MAGI1: variants seen among roughly 807,000 people sequenced by gnomAD.
MAGI1 encodes the protein membrane-associated guanylate kinase, WW and PDZ domain-containing protein 1.
In MAGI1, 58 loss-of-function variants were observed where a neutral mutation model predicts 139.9. The ratio of observed to expected loss-of-function variants is 0.41; its 90% CI spans 0.34 to 0.52. The LOEUF (loss-of-function observed/expected upper bound fraction) is 0.52, where lower values mean the gene tolerates loss of function less well. Among genes scored for constraint, MAGI1 ranks in the 20% least tolerant of loss-of-function variants. The pLI, the probability that MAGI1 is intolerant of heterozygous loss-of-function variation, is 0.12. For synonymous variants in MAGI1, 812 were observed against 737.9 expected, an observed-to-expected ratio of 1.10 and a Z score of -1.63; for missense variants, 1,874 against 1,901.6, an observed-to-expected ratio of 0.99 and a Z score of 0.27.
At chr3:65,829,004 A>G (rs2042379572) in intron 1 of MAGI1, among the ~76,000 whole-genome samples, 1 of 152,162 alleles carries the variant, frequency 6.6e-6, no homozygotes. Context: ...AACCACAATG[A>G]GCTGATTTTG....
intron 16 of MAGI1, among the ~76,000 whole-genome samples, chr3:65,381,471 C>CT (rs1270671010): frequency 2.0e-5 from 3 of 151,846 alleles, no homozygotes; most frequent in Non-Finnish European, 2.9e-5. Flanking sequence ...AAATCAGTAA[C>CT]TTTTTTATGA....
chr3:65,852,662 C>T lies in MAGI1; in HGVS notation c.313+185334G>A, dbSNP rs11922770. ...GGGATTGCAGCCATGCACCACCACG[C>T]CTGGCTAATTTTGTATTTTTAGTAG... On this transcript the variant is annotated intron_variant, in intron 1 of 22. Transcript: ENST00000402939. Among the ~76,000 whole-genome samples, 1,402 of 152,018 alleles carry T rather than the reference C, an allele frequency of 9.2e-3. 20 individuals carry two copies. The highest frequency in any genetic ancestry group is 0.032 in the African/African-American group (1,348 of 41,522).
chr3:66,033,730 C>G (rs533947481), intron 1 of MAGI1, among the ~76,000 whole-genome samples: 1 of 152,290 alleles, frequency 6.6e-6, no homozygotes, highest in South Asian at 2.1e-4. Context: ...TATCTCCACA[C>G]TGCCACACAT....
chr3:65,708,050 A>G (rs1250870174), intron 1 of MAGI1, among the ~76,000 whole-genome samples: 1 of 152,210 alleles, frequency 6.6e-6, no homozygotes, highest in Admixed American at 6.5e-5. Context: ...ACATAGTTCT[A>G]CATATGTCCT....
intron 2 of MAGI1, among the ~76,000 whole-genome samples, chr3:65,615,698 G>A (rs2083332359): frequency 6.6e-6 from 1 of 152,152 alleles, no homozygotes; most frequent in African/African-American, 2.4e-5. Flanking sequence ...GGATAAAAAT[G>A]TGTTTACACT....
At chr3:65,716,469 G>C (rs975993294) in intron 1 of MAGI1, among the ~76,000 whole-genome samples, 1 of 152,210 alleles carries the variant, frequency 6.6e-6, no homozygotes, top group South Asian at 2.1e-4. Flanking sequence ...GGGAAGGGAA[G>C]AGCAGCAATT....
intron 1 of MAGI1, among the ~76,000 whole-genome samples, chr3:65,833,457 T>G (rs1181763470): frequency 6.6e-6 from 1 of 152,038 alleles, no homozygotes; most frequent in East Asian, 1.9e-4. Flanking sequence ...CAATACAATC[T>G]CTCCGGCTTC....
At chr3:65,877,494 T>C (rs1284881983) in intron 1 of MAGI1, among the ~76,000 whole-genome samples, 1 of 152,122 alleles carries the variant, frequency 6.6e-6, no homozygotes, top group East Asian at 1.9e-4. Context: ...TCCCCAGAGA[T>C]GACCTCAATT....
chr3:65,526,671 C>G (rs1294250540), intron 2 of MAGI1, among the ~76,000 whole-genome samples: 1 of 152,166 alleles, frequency 6.6e-6, no homozygotes, highest in Admixed American at 6.5e-5. Context: ...ATTTAACCCA[C>G]CTTCTCATCA....
intron 1 of MAGI1, among the ~76,000 whole-genome samples, chr3:65,710,719 G>A (rs563912825): frequency 3.1e-4 from 47 of 152,294 alleles, no homozygotes; most frequent in Non-Finnish European, 6.2e-4. Flanking sequence ...CTGATTTTCA[G>A]AGACTAATTT....
intron 1 of MAGI1, among the ~76,000 whole-genome samples, chr3:65,696,320 T>C (rs1370060861): frequency 3.3e-5 from 5 of 152,124 alleles, no homozygotes; most frequent in Non-Finnish European, 5.9e-5. Context: ...ACCTACCACT[T>C]GAGATACATT....
At chr3:65,622,588 G>T (rs547409792) in intron 1 of MAGI1, among the ~76,000 whole-genome samples, 28 of 151,912 alleles carry the variant, frequency 1.8e-4, no homozygotes, top group South Asian at 1.0e-3. Context: ...TTTTGAAACG[G>T]AGTCTTATTC....
intron 1 of MAGI1, among the ~76,000 whole-genome samples, chr3:65,803,066 C>T (rs2040618696): frequency 6.6e-6 from 1 of 152,092 alleles, no homozygotes; most frequent in Non-Finnish European, 1.5e-5. Context: ...TAATAACATC[C>T]TTGCCCATTT....
intron 1 of MAGI1, among the ~76,000 whole-genome samples, chr3:65,810,575 G>A (rs906570000): frequency 2.6e-5 from 4 of 152,212 alleles, no homozygotes; most frequent in Admixed American, 2.6e-4. Context: ...TGAACTGATG[G>A]GTGTTTTCCT....
chr3:65,373,206 G>T (rs777338166), intron 18 of MAGI1, among the ~76,000 whole-genome samples: 1 of 152,078 alleles, frequency 6.6e-6, no homozygotes, highest in African/African-American at 2.4e-5. Flanking sequence ...AGAGTTAGAG[G>T]CCATTGTAAG....
chr3:66,032,377 AT>A (rs781376605), intron 1 of MAGI1, among the ~76,000 whole-genome samples: 1 of 128,720 alleles, frequency 7.8e-6, no homozygotes, highest in African/African-American at 2.9e-5. Flanking sequence ...CGCCCGGCTA[AT>A]TTTTTTGTTT....
intron 2 of MAGI1, among the ~76,000 whole-genome samples, chr3:65,516,031 C>A (rs1465151088): frequency 1.3e-5 from 2 of 152,142 alleles, no homozygotes; most frequent in Non-Finnish European, 2.9e-5. Context: ...TTTTCAAGCT[C>A]TGGGTCCTTT....
At chr3:65,969,250 T>C (rs961765169) in intron 1 of MAGI1, among the ~76,000 whole-genome samples, 1 of 152,190 alleles carries the variant, frequency 6.6e-6, no homozygotes, top group Non-Finnish European at 1.5e-5. Context: ...AACATTGCTC[T>C]CACAGTTCCT....
intron 1 of MAGI1, among the ~76,000 whole-genome samples, chr3:65,715,400 G>T (rs1318473914): frequency 6.6e-6 from 1 of 152,104 alleles, no homozygotes; most frequent in East Asian, 1.9e-4. Flanking sequence ...AGTTCAATTT[G>T]CTATTTCTTG....
Sources: gnomAD v4.1 joint callset for allele counts (sites outside exome capture counted in the v4.1 genomes callset) on GRCh38, gnomAD v4.1.1 for gene constraint, MANE v1.5 for transcripts, NCBI Gene and HGNC (gene_info 2026-07-23, HGNC 2026-07-21) for gene names.